Variants in EGFR observed in about 807,000 individuals in gnomAD.
EGFR encodes epidermal growth factor receptor.
In EGFR, 58 loss-of-function variants were observed where a neutral mutation model predicts 143.0. The ratio of observed to expected loss-of-function variants is 0.41; its 90% confidence interval spans 0.33 to 0.50. The LOEUF is 0.50. Among genes scored for constraint, EGFR ranks in the 20% least tolerant of loss-of-function variants. The pLI is 0.39. For synonymous variants in EGFR, 613 were observed against 594.4 expected (o/e 1.03, Z -0.45); for missense variants, 1,307 against 1,579.0 (o/e 0.83, Z 2.92).
At chr7:55,187,378 C>A (rs147941910) in intron 20 of EGFR, among the ~76,000 whole-genome samples, 10 of 152,182 alleles carry the variant, frequency 6.6e-5, no homozygotes, top group Admixed American at 6.5e-4. Context: ...GCGGTGTTTA[C>A]GTCACTTGCC....
rs146795390 is a variant in EGFR, at chr7:55,191,776, G to C, written c.2527G>C (p.Val843Leu). ...GCACCGCGACCTGGCAGCCAGGAAC[G>C]TACTGGTGAAAACACCGCAGCATGT... ...LVHRDLAARN[V>L]LVKTPQHVKI... Residue 843 changes from valine to leucine, a missense_variant, in exon 21 of 28, where the codon GTA becomes CTA. Physicochemically the swap from Val to Leu is conservative, Grantham distance 32. This residue lies in a region of EGFR where 348 missense variants were observed against 451.5 expected (regional missense o/e 0.77). Coordinates refer to ENST00000275493, the MANE Select transcript of EGFR (RefSeq NM_005228.5). 6.2e-7 allele frequency: 1 copy of C among 1,614,040 alleles called. No homozygotes were observed. The highest frequency in any genetic ancestry group is 8.5e-7 in the Non-Finnish European group (1 of 1,180,030).
chr7:55,116,884 G>A (rs1256401923), intron 1 of EGFR, among the ~76,000 whole-genome samples: 23 of 152,188 alleles, frequency 1.5e-4, no homozygotes, highest in Admixed American at 1.5e-3. Context: ...ATACCACACT[G>A]CGTTCGTCCA....
chr7:55,067,021 G>T (rs1789546180), intron 1 of EGFR, among the ~76,000 whole-genome samples: 1 of 152,194 alleles, frequency 6.6e-6, no homozygotes, highest in Non-Finnish European at 1.5e-5. Context: ...GCAGTGGCTG[G>T]CCAGGTGACC....
At chr7:55,112,068 C>G (rs544123237) in intron 1 of EGFR, among the ~76,000 whole-genome samples, 3 of 152,264 alleles carry the variant, frequency 2.0e-5, no homozygotes, top group African/African-American at 7.2e-5. Context: ...CAGCCTCACC[C>G]ACGACGCCCT....
intron 1 of EGFR, among the ~76,000 whole-genome samples, chr7:55,022,341 G>T (rs1786620612): frequency 1.3e-5 from 2 of 152,208 alleles, no homozygotes. Context: ...TTCCCATTCA[G>T]TAGGTCCGAG....
chr7:55,190,061 A>C (rs1041409747), intron 20 of EGFR, among the ~76,000 whole-genome samples: 1 of 152,206 alleles, frequency 6.6e-6, no homozygotes, highest in Non-Finnish European at 1.5e-5. Flanking sequence ...AAGGAGACCC[A>C]GGCTGCCAGA....
chr7:55,124,834 C>G (rs1387377682), intron 1 of EGFR, among the ~76,000 whole-genome samples: 1 of 152,224 alleles, frequency 6.6e-6, no homozygotes, highest in Non-Finnish European at 1.5e-5. Flanking sequence ...CGATTCTGAC[C>G]TGGAGATGTC....
intron 1 of EGFR, among the ~76,000 whole-genome samples, chr7:55,138,205 A>G (rs1794261136): frequency 6.6e-6 from 1 of 152,158 alleles, no homozygotes; most frequent in Non-Finnish European, 1.5e-5. Flanking sequence ...ATAAATCATA[A>G]TAAAATTTTA....
chr7:55,054,935 A>G (rs956940420), intron 1 of EGFR, among the ~76,000 whole-genome samples: 2 of 152,120 alleles, frequency 1.3e-5, no homozygotes, highest in Admixed American at 1.3e-4. Flanking sequence ...AGGCCCTAGA[A>G]CCACTCCAAG....
intron 1 of EGFR, among the ~76,000 whole-genome samples, chr7:55,019,764 T>C (rs987395877): frequency 2.6e-5 from 4 of 152,122 alleles, no homozygotes; most frequent in African/African-American, 9.7e-5. Context: ...CGCCCCGCGC[T>C]GTCTTCCCAG....
intron 14 of EGFR, among the ~76,000 whole-genome samples, chr7:55,164,572 G>T (rs749571254): frequency 2.0e-5 from 3 of 152,154 alleles, no homozygotes; most frequent in African/African-American, 4.8e-5. Context: ...AATAATTGGC[G>T]ATATTGACAT....
rs1252254814 is a variant in EGFR, at chr7:55,205,708, C to T, written c.*91C>T. ...GGTCCTCCATCCCAACAGCCATGCC[C>T]GCATTAGCTCTTAGACCCACAGACT... On this transcript the variant is annotated 3_prime_UTR_variant, in exon 28 of 28. Transcript: ENST00000275493. 11 of 1,600,926 alleles carry T rather than the reference C, an allele frequency of 6.9e-6. No homozygotes were observed. The African/African-American group carries it at 9.4e-5, about 14-fold the overall frequency.
In EGFR at chr7:55,064,616, G is replaced by A. The variant is rs568232987; in HGVS notation, c.88+45251G>A. ...TCAGTGCGCATTTACTCTTAATTTA[G>A]ATACGGTTTAAACCTAATTAGAAAC... On this transcript the variant is annotated intron_variant, in intron 1 of 27. Transcript: ENST00000275493. 4.6e-5 allele frequency among the ~76,000 whole-genome samples: 7 copies of A among 152,246 alleles called. No homozygotes were observed. The South Asian group carries it at 1.5e-3, about 32-fold the overall frequency.
At chr7:55,139,924 TA>T in intron 1 of EGFR, among the ~76,000 whole-genome samples, 2 of 152,232 alleles carry the variant, frequency 1.3e-5, no homozygotes, top group African/African-American at 2.4e-5. Flanking sequence ...TTTCTGAATA[TA>T]AAAGTTATAC....
intron 1 of EGFR, among the ~76,000 whole-genome samples, chr7:55,044,434 A>G (rs994759798): frequency 6.6e-6 from 1 of 152,350 alleles, no homozygotes; most frequent in Non-Finnish European, 1.5e-5. Context: ...AACAACCTAG[A>G]AAAAGAAATG....
At chr7:55,146,261 G>A (rs561377179) in intron 3 of EGFR, among the ~76,000 whole-genome samples, 58 of 151,906 alleles carry the variant, frequency 3.8e-4, no homozygotes, top group African/African-American at 1.3e-3. Context: ...TACATCATGC[G>A]ACCATTCCAG....
intron 1 of EGFR, among the ~76,000 whole-genome samples, chr7:55,127,466 C>T (rs1429382761): frequency 2.0e-5 from 3 of 152,024 alleles, no homozygotes; most frequent in Admixed American, 6.6e-5. Flanking sequence ...CCCCTCACCC[C>T]CCACCACCCA....
chr7:55,100,817 C>T (rs373002116), intron 1 of EGFR, among the ~76,000 whole-genome samples: 5 of 152,328 alleles, frequency 3.3e-5, no homozygotes, highest in Non-Finnish European at 4.4e-5. Flanking sequence ...GGAGGGCTGG[C>T]GGGGCCCTGA....
At chr7:55,060,781 G>A (rs1001097342) in intron 1 of EGFR, among the ~76,000 whole-genome samples, 1 of 152,138 alleles carries the variant, frequency 6.6e-6, no homozygotes, top group African/African-American at 2.4e-5. Flanking sequence ...TAGGTTTTGG[G>A]GCTCTGGATA....
Sources: gnomAD v4.1 joint callset for allele counts (sites outside exome capture counted in the v4.1 genomes callset) on GRCh38, gnomAD v4.1.1 for gene constraint, gnomAD v4.1.1 regional missense constraint, MANE v1.5 for transcripts, NCBI Gene and HGNC (gene_info 2026-07-23, HGNC 2026-07-21) for gene names.